The following DYNC2I1 variants were observed in gnomAD, a reference collection of about 807,000 sequenced individuals.
DYNC2I1 encodes cytoplasmic dynein 2 intermediate chain 1.
In DYNC2I1, 89 loss-of-function variants were observed where a neutral mutation model predicts 133.4. That is an observed-to-expected ratio of 0.67 (90% CI 0.56 to 0.80). The LOEUF (loss-of-function observed/expected upper bound fraction) is 0.80, where lower values mean the gene tolerates loss of function less well. DYNC2I1 is among the 30% of genes least tolerant of loss of function. DYNC2I1 has a pLI of 0.00. For synonymous variants in DYNC2I1, 504 were observed against 484.3 expected, an observed-to-expected ratio of 1.04 and a Z score of -0.54; for missense variants, 1,291 against 1,314.5, an observed-to-expected ratio of 0.98 and a Z score of 0.28.
At chr7:158,940,216 A>G (rs28813545) in intron 23 of DYNC2I1, among the ~76,000 whole-genome samples, 23,890 of 152,154 alleles carry the variant, frequency 0.16, 2,050 homozygotes, top group African/African-American at 0.18. Context: ...TTTGGGGGAC[A>G]GTTTCAGGAT....
the DYNC2I1 span, among the ~76,000 whole-genome samples, chr7:158,839,798 G>A: frequency 6.6e-6 from 1 of 150,622 alleles, no homozygotes; most frequent in Non-Finnish European, 1.5e-5. Context: ...CCAGCCTGGG[G>A]GACAGAATGA....
At chr7:158,915,745 G>C (rs1429384793) in intron 14 of DYNC2I1, among the ~76,000 whole-genome samples, 1 of 147,972 alleles carries the variant, frequency 6.8e-6, no homozygotes, top group Non-Finnish European at 1.5e-5. Flanking sequence ...TGACATTAAG[G>C]ATGATTGTGA....
At chr7:158,906,861 A>T (rs1585107573) in intron 11 of DYNC2I1, among the ~76,000 whole-genome samples, 2 of 152,352 alleles carry the variant, frequency 1.3e-5, no homozygotes, top group Admixed American at 1.3e-4. Flanking sequence ...AAATGAAAAA[A>T]TCAATCATTA....
At chr7:158,918,187 C>T (rs1024035374) in intron 14 of DYNC2I1, among the ~76,000 whole-genome samples, 1 of 152,198 alleles carries the variant, frequency 6.6e-6, no homozygotes, top group Non-Finnish European at 1.5e-5. Context: ...CCCTCTTCCT[C>T]GCACAAATCC....
In DYNC2I1 at chr7:158,883,757, G is replaced by A. The variant is rs1359037023; in HGVS notation, c.880-807G>A. ...CGGCTCACTGCAAGCTCCGCCTCCC[G>A]GGTTCACGCCATTCTCCTGCCTCAG... On this transcript the variant is annotated intron_variant, in intron 5 of 24. Transcript: ENST00000407559. 6.3e-5 allele frequency among the ~76,000 whole-genome samples: 9 copies of A among 143,120 alleles called. No individual in the cohort carries two copies. The South Asian group carries it at 6.7e-4, about 11-fold the overall frequency. The allele number at this position is 143,120 out of a possible 152,430, so 93.9% of individuals were successfully genotyped here.
At chr7:158,846,920 C>G in the DYNC2I1 span, among the ~76,000 whole-genome samples, 1 of 152,130 alleles carries the variant, frequency 6.6e-6, no homozygotes, top group Admixed American at 6.5e-5. Flanking sequence ...CTTCCTTTGT[C>G]TGTATGTCTG....
intron 7 of DYNC2I1, among the ~76,000 whole-genome samples, chr7:158,890,690 C>T (rs1845122006): frequency 6.6e-6 from 1 of 151,992 alleles, no homozygotes; most frequent in South Asian, 2.1e-4. Flanking sequence ...TTTCCTGCCT[C>T]AGCCTCCCAA....
At chr7:158,901,084 T>C (rs1338534049) in intron 8 of DYNC2I1, among the ~76,000 whole-genome samples, 1 of 152,138 alleles carries the variant, frequency 6.6e-6, no homozygotes, top group Non-Finnish European at 1.5e-5. Context: ...AAACTGTATT[T>C]TCTGCTTTCT....
chr7:158,870,441 CCTT>C (rs956809756), intron 2 of DYNC2I1, among the ~76,000 whole-genome samples: 38 of 152,066 alleles, frequency 2.5e-4, no homozygotes, highest in African/African-American at 9.2e-4. Flanking sequence ...GCAGCCTTGA[CCTT>C]CTGGGCCTGA....
At chr7:158,844,026 C>T in the DYNC2I1 span, among the ~76,000 whole-genome samples, 2 of 152,272 alleles carry the variant, frequency 1.3e-5, no homozygotes, top group East Asian at 3.9e-4. Flanking sequence ...GAAAGTCAAT[C>T]ATGCATTCTT....
At chr7:158,893,269 T>C (rs1845414914) in intron 8 of DYNC2I1, among the ~76,000 whole-genome samples, 1 of 152,184 alleles carries the variant, frequency 6.6e-6, no homozygotes. Flanking sequence ...TGGTAATCAC[T>C]GATCTTGTCT....
At chr7:158,905,010 CAAAT>C (rs1462211185) in intron 10 of DYNC2I1, 1 of 297,154 alleles carries the variant, frequency 3.4e-6, no homozygotes, top group Non-Finnish European at 6.6e-6. Flanking sequence ...AATATACAAA[CAAAT>C]AAATACACAG....
At chr7:158,896,412 C>G (rs148321549) in intron 8 of DYNC2I1, among the ~76,000 whole-genome samples, 48 of 152,262 alleles carry the variant, frequency 3.2e-4, no homozygotes, top group African/African-American at 1.1e-3. Flanking sequence ...CAATGTTGAA[C>G]CAGGCTTGCA....
At chr7:158,903,835 G>A (rs1846481540) in intron 10 of DYNC2I1, 1 of 152,174 alleles carries the variant, frequency 6.6e-6, no homozygotes, top group South Asian at 2.1e-4. Flanking sequence ...GCAGATCTTT[G>A]AATAACCTTT....
downstream of DYNC2I1, chr7:158,956,873 T>TG (rs1852212250): frequency 6.6e-6 from 1 of 152,342 alleles, no homozygotes; most frequent in Non-Finnish European, 1.5e-5. Flanking sequence ...TGTGTAGCTG[T>TG]GGGCTGAGCT....
At chr7:158,886,004 A>G (rs1026316766) in intron 6 of DYNC2I1, among the ~76,000 whole-genome samples, 1 of 149,670 alleles carries the variant, frequency 6.7e-6, no homozygotes, top group Non-Finnish European at 1.5e-5. Context: ...TTTCTTTTAG[A>G]AAGATTTTAT....
chr7:158,939,641 A>G (rs772151844), intron 23 of DYNC2I1, among the ~76,000 whole-genome samples: 2 of 152,214 alleles, frequency 1.3e-5, no homozygotes, highest in African/African-American at 2.4e-5. Context: ...CACTGAATGT[A>G]AATGGTCTCA....
rs150607232 is a variant in DYNC2I1 at position 158,920,439 on chromosome 7, C to T, written c.1921+1570C>T. 4.6e-3 allele frequency among the ~76,000 whole-genome samples: 704 copies of T among 151,904 alleles called. 6 individuals carry two copies. Among genetic ancestry groups the T allele is most frequent in the African/African-American group, 0.016 (676 of 41,390 alleles). ...ACAGTGTGTGGCCTCCATCTGGGAA[C>T]ACGTGAAGTATGTGTGCATACTGCA... On this transcript the variant is annotated intron_variant, in intron 15 of 24. Transcript: ENST00000407559.
chr7:158,933,983 T>G (rs1323282002), intron 21 of DYNC2I1, 146 bp from the exon 22 acceptor site: 8 of 605,782 alleles, frequency 1.3e-5, no homozygotes, highest in South Asian at 1.1e-4. Context: ...CAGAAGAAAA[T>G]AGAAACAGAG....
Sources: allele counts gnomAD v4.1 joint callset (sites outside exome capture counted in the v4.1 genomes callset), GRCh38; gene constraint gnomAD v4.1.1; transcripts MANE v1.5; gene names NCBI Gene and HGNC (gene_info 2026-07-23, HGNC 2026-07-21).